CSMD1: variants seen among roughly 807,000 people sequenced by gnomAD.
The protein encoded by CSMD1 is CUB and Sushi multiple domains 1, also known as CUB and sushi domain-containing protein 1.
In CSMD1, 213 loss-of-function variants were observed where a neutral mutation model predicts 417.5. The observed-to-expected ratio is 0.51, with a 90% confidence interval of 0.46 to 0.57. CSMD1 has a LOEUF of 0.57. CSMD1 is among the 20% of genes least tolerant of loss of function. CSMD1 has a pLI of 0.00. For synonymous variants in CSMD1, 2,862 were observed against 1,736.8 expected, an observed-to-expected ratio of 1.65 and a Z score of -16.11; for missense variants, 6,923 against 4,529.7, an observed-to-expected ratio of 1.53 and a Z score of -15.17.
chr8:4,143,832 AT>A (rs1563181158), intron 3 of CSMD1, among the ~76,000 whole-genome samples: 1 of 150,742 alleles, frequency 6.6e-6, no homozygotes, highest in African/African-American at 2.5e-5. Flanking sequence ...GTTTTCTGGG[AT>A]TTAAGTACTT....
chr8:4,321,505 C>G (rs1158930957), intron 3 of CSMD1, among the ~76,000 whole-genome samples: 1 of 152,066 alleles, frequency 6.6e-6, no homozygotes, highest in African/African-American at 2.4e-5. Context: ...AAACCCACAG[C>G]AGAGGGATGT....
intron 5 of CSMD1, among the ~76,000 whole-genome samples, chr8:3,765,186 C>T (rs1013409532): frequency 3.3e-5 from 5 of 152,134 alleles, no homozygotes; most frequent in African/African-American, 9.7e-5. Flanking sequence ...TTTCGTGAAC[C>T]TTGTGTTCTG....
intron 3 of CSMD1, among the ~76,000 whole-genome samples, chr8:4,127,906 G>C (rs775616513): frequency 6.6e-6 from 1 of 152,088 alleles, no homozygotes; most frequent in African/African-American, 2.4e-5. Flanking sequence ...TTAAATTCAG[G>C]TACTCTGACT....
At chr8:4,429,964 G>T (rs927222536) in intron 2 of CSMD1, among the ~76,000 whole-genome samples, 1 of 152,158 alleles carries the variant, frequency 6.6e-6, no homozygotes, top group Non-Finnish European at 1.5e-5. Context: ...GCAAAGGGGA[G>T]AATCCACTGG....
At chr8:4,247,682 G>A (rs1463594215) in intron 3 of CSMD1, among the ~76,000 whole-genome samples, 1 of 152,078 alleles carries the variant, frequency 6.6e-6, no homozygotes, top group Non-Finnish European at 1.5e-5. Context: ...TGTAATGTAT[G>A]AGCTTCTGCA....
intron 1 of CSMD1, among the ~76,000 whole-genome samples, chr8:4,912,135 A>AAGAAAAAAAAAAG (rs1554518072): frequency 1.7e-5 from 2 of 115,612 alleles, no homozygotes; most frequent in Non-Finnish European, 3.8e-5. Context: ...AAAAAAAAAA[A>AAGAAAAAAAAAAG]AAAAAAGAAA....
chr8:4,382,768 A>T (rs559669161), intron 3 of CSMD1, among the ~76,000 whole-genome samples: 50 of 152,360 alleles, frequency 3.3e-4, no homozygotes, highest in African/African-American at 1.2e-3. Context: ...GTCTAAAAGA[A>T]ACACAAAATA....
In CSMD1 at chr8:3,150,416, G is replaced by A. The variant is rs191868070; in HGVS notation, c.6031+981C>T. Among the ~76,000 whole-genome samples the A allele has an allele frequency of 4.6e-5, 7 of 152,262 alleles. No homozygotes were observed. The South Asian group carries it at 8.3e-4, about 18-fold the overall frequency. ...CAGCGCCTGATTGACCTGTCGGGCCGTCATTCCGACTGTTCATTCCCCGGC... is the reference window on the plus strand; with the variant it reads ...CAGCGCCTGATTGACCTGTCGGGCCATCATTCCGACTGTTCATTCCCCGGC... On this transcript the variant is annotated intron_variant, in intron 40 of 69. Transcript: ENST00000635120.
At chr8:3,500,911 G>A (rs4602914) in intron 10 of CSMD1, among the ~76,000 whole-genome samples, 1 of 151,958 alleles carries the variant, frequency 6.6e-6, no homozygotes, top group African/African-American at 2.4e-5. Context: ...GTGTCAGAGA[G>A]GATTTTTTCT....
intron 3 of CSMD1, among the ~76,000 whole-genome samples, chr8:4,250,992 T>A (rs1260809996): frequency 1.3e-5 from 2 of 152,170 alleles, no homozygotes; most frequent in Non-Finnish European, 2.9e-5. Flanking sequence ...ACACTGATAT[T>A]TCCTAAATCA....
In CSMD1 at chr8:4,270,142, G is replaced by C. The variant is rs184115041; in HGVS notation, c.415+149811C>G. Among the ~76,000 whole-genome samples, 81 of 152,296 alleles carry C rather than the reference G, an allele frequency of 5.3e-4. 2 individuals carry two copies. The East Asian group carries it at 0.014, about 26-fold the overall frequency. ...GACTTTGGTTGTGATAGGGAGGCTG[G>C]AATGTGGACGAGAGACTTGAAGGAG... On this transcript the variant is annotated intron_variant, in intron 3 of 69. Transcript: ENST00000635120.
At chr8:4,421,441 C>G (rs146840613) in intron 2 of CSMD1, among the ~76,000 whole-genome samples, 3 of 152,032 alleles carry the variant, frequency 2.0e-5, no homozygotes, top group Non-Finnish European at 4.4e-5. Context: ...GGCCATAAAA[C>G]AAACCTCAAA....
At chr8:4,082,647 G>T (rs925872784) in intron 3 of CSMD1, among the ~76,000 whole-genome samples, 1 of 151,650 alleles carries the variant, frequency 6.6e-6, no homozygotes, top group East Asian at 1.9e-4. Context: ...AACTTTTAGG[G>T]TACATGTGCA....
intron 5 of CSMD1, among the ~76,000 whole-genome samples, chr8:3,973,940 A>AT (rs1813246401): frequency 6.6e-6 from 1 of 152,230 alleles, no homozygotes; most frequent in Non-Finnish European, 1.5e-5. Context: ...AAACATGCAC[A>AT]TCATGAAAAA....
At chr8:3,716,311 G>A (rs1801829000) in intron 6 of CSMD1, among the ~76,000 whole-genome samples, 1 of 152,164 alleles carries the variant, frequency 6.6e-6, no homozygotes, top group African/African-American at 2.4e-5. Context: ...TAAAGTGAAA[G>A]CAAGTTTATT....
chr8:4,827,793 A>C (rs1044643850), intron 1 of CSMD1, among the ~76,000 whole-genome samples: 1 of 152,180 alleles, frequency 6.6e-6, no homozygotes, highest in East Asian at 1.9e-4. Context: ...GCTCCTGCTT[A>C]AACCCCTGGA....
chr8:3,098,650 C>A (rs1317011990), intron 46 of CSMD1, among the ~76,000 whole-genome samples: 1 of 152,106 alleles, frequency 6.6e-6, no homozygotes, highest in Non-Finnish European at 1.5e-5. Context: ...GTGACCTCAT[C>A]GCTTTGTAAA....
At chr8:4,786,023 C>A (rs1196517792) in intron 1 of CSMD1, among the ~76,000 whole-genome samples, 2 of 152,176 alleles carry the variant, frequency 1.3e-5, no homozygotes, top group African/African-American at 4.8e-5. Context: ...GCTGGAGCTT[C>A]CTAAGAAATA....
chr8:4,967,759 G>A (rs1420073738), intron 1 of CSMD1, among the ~76,000 whole-genome samples: 1 of 152,108 alleles, frequency 6.6e-6, no homozygotes, highest in African/African-American at 2.4e-5. Flanking sequence ...AACTTCTTGT[G>A]TCATGTGACT....
Sources: allele counts gnomAD v4.1 joint callset (sites outside exome capture counted in the v4.1 genomes callset), GRCh38; gene constraint gnomAD v4.1.1; transcripts MANE v1.5; gene names NCBI Gene and HGNC (gene_info 2026-07-23, HGNC 2026-07-21).